The following IRS2 variants were observed in gnomAD, a reference collection of about 807,000 sequenced individuals.
IRS2 encodes insulin receptor substrate 2.
In IRS2, 28 loss-of-function variants were observed where a neutral mutation model predicts 70.9. The ratio of observed to expected loss-of-function variants is 0.39; its 90% CI spans 0.29 to 0.54. IRS2 has a LOEUF of 0.54. Ranked by LOEUF, IRS2 falls within the 20% of genes least tolerant of loss-of-function variation. IRS2 has a pLI of 0.59. For synonymous variants in IRS2, 1,217 were observed against 981.9 expected, an observed-to-expected ratio of 1.24 and a Z score of -4.48; for missense variants, 2,081 against 2,024.1, an observed-to-expected ratio of 1.03 and a Z score of -0.54.
intron 1 of IRS2, among the ~76,000 whole-genome samples, chr13:109,776,074 G>A (rs1433750124): frequency 2.0e-5 from 3 of 150,354 alleles, no homozygotes; most frequent in East Asian, 2.0e-4. Context: ...GCTTGAACCC[G>A]GGAGGTGGAC....
At position 109,772,353 on chromosome 13, in the gene IRS2, C is replaced by G. The variant is rs557018712; in HGVS notation, c.4012+9689G>C. On this transcript the variant is annotated intron_variant, in intron 1 of 1. Transcript: ENST00000375856. ...AGGCTTCTGGCCGATTCATGAAGAC[C>G]CCCAGACCACACGTCTGCATCAGTT... Among the ~76,000 whole-genome samples the G allele has an allele frequency of 3.7e-3, 558 of 152,360 alleles. 4 individuals carry two copies. Among genetic ancestry groups the G allele is most frequent in the Middle Eastern group, 6.8e-3 (2 of 294 alleles).
At position 109,782,306 on chromosome 13, in the gene IRS2, C is replaced by A. The variant is rs1240072729; in HGVS notation, c.3748G>T (p.Gly1250Cys). Residue 1250 changes from glycine to cysteine, a missense_variant, in exon 1 of 2, where the codon GGT (glycine) becomes TGT (cysteine). By Grantham distance (159) the Gly-to-Cys change is radical (BLOSUM62 -3). This residue lies in a region of IRS2 where 1,615 missense variants were observed against 1,459.5 expected (regional missense o/e 1.11). Coordinates refer to ENST00000375856, the MANE Select transcript of IRS2 (RefSeq NM_003749.3). ...RRETSAGFQN[G>C]LNYIAIDVRE... is the part of the protein sequence containing the mutation. ...ACGTCGATGGCGATGTAGTTGAGACCATTCTGGAAGCCGGCAGAGGTCTCT... is the reference window on the plus strand; with the variant it reads ...ACGTCGATGGCGATGTAGTTGAGACAATTCTGGAAGCCGGCAGAGGTCTCT... 8 of 1,611,594 alleles carry A rather than the reference C, an allele frequency of 5.0e-6. No individual in the cohort carries two copies. In the African/African-American group the frequency reaches 8.0e-5, roughly 16 times the overall value.
At position 109,782,729 on chromosome 13, in the gene IRS2, T is replaced by G; in HGVS notation, c.3325A>C (p.Ser1109Arg). The G allele has an allele frequency of 6.3e-7, 1 of 1,596,822 alleles. No homozygotes were observed. The highest frequency in any genetic ancestry group is 8.5e-7 in the Non-Finnish European group (1 of 1,172,612). Reference sequence around the variant, plus strand: ...ACTCCCGACACCTGCTCCATGAGGCTCAGCCTCTTCACGCCCGACGTCGGG... The same window carrying G: ...ACTCCCGACACCTGCTCCATGAGGCGCAGCCTCTTCACGCCCGACGTCGGG... ...ASPTSGVKRLSLMEQVSGVEA... is the reference protein window; with the variant it reads ...ASPTSGVKRLRLMEQVSGVEA... Residue 1109 changes from serine to arginine, a missense_variant, in exon 1 of 2, where the codon AGC becomes CGC. Physicochemically the swap from Ser to Arg is moderately radical, Grantham distance 110 (BLOSUM62 -1). Coordinates refer to ENST00000375856, the MANE Select transcript of IRS2 (RefSeq NM_003749.3).
chr13:109,781,036 C>T (rs1234697009), intron 1 of IRS2, among the ~76,000 whole-genome samples: 1 of 152,152 alleles, frequency 6.6e-6, no homozygotes. Flanking sequence ...TTTGTCTTTC[C>T]CTTGTTTTCT....
chr13:109,771,533 A>G (rs897093696), intron 1 of IRS2, among the ~76,000 whole-genome samples: 4 of 152,246 alleles, frequency 2.6e-5, no homozygotes, highest in African/African-American at 9.6e-5. Context: ...AGTTATTTGT[A>G]CAAGTCTCAG....
At position 109,782,818 on chromosome 13, in the gene IRS2, A is replaced by G; in HGVS notation, c.3236T>C (p.Val1079Ala). Residue 1079 changes from valine to alanine, a missense_variant, in exon 1 of 2, where the codon GTG becomes GCG. Around this residue, in one of 4 missense-constraint regions of IRS2, gnomAD observed 1,615 missense variants for 1,459.5 expected, o/e 1.11. Transcript: ENST00000375856. The part of the protein sequence containing the change: ...NGDYTEMAFG[V>A]AATPPQPIAA... ...GATAGGTTGCGGCGGGGTGGCGGCC[A>G]CACCAAAAGCCATCTCGGTGTAGTC... 4 of 1,589,918 alleles carry G rather than the reference A, an allele frequency of 2.5e-6. No individual in the cohort carries two copies. Among genetic ancestry groups the G allele is most frequent in the Non-Finnish European group, 3.4e-6 (4 of 1,169,746 alleles).
At chr13:109,781,526 T>C (rs1333904133) in intron 1 of IRS2, among the ~76,000 whole-genome samples, 12 of 152,208 alleles carry the variant, frequency 7.9e-5, no homozygotes, top group Admixed American at 7.8e-4. Flanking sequence ...GCCATCAAAA[T>C]GGATGCTCAT....
intron 1 of IRS2, among the ~76,000 whole-genome samples, chr13:109,760,479 T>C (rs1877201903): frequency 6.6e-6 from 1 of 152,242 alleles, no homozygotes; most frequent in East Asian, 1.9e-4. Context: ...CGTAGAGTTA[T>C]TTGAGCAAAT....
chr13:109,768,574 C>A lies in IRS2; in HGVS notation c.4013-12266G>T, dbSNP rs570152803. On this transcript the variant is annotated intron_variant, in intron 1 of 1. Transcript: ENST00000375856. ...TCTATAATTTTCATTTCCAAATTAG[C>A]TGAAGAGTGAAATTGATTTGTTTGA... is the stretch of plus-strand genomic sequence containing the variant. 6.6e-5 allele frequency among the ~76,000 whole-genome samples: 10 copies of A among 152,264 alleles called. 1 individual carries two copies. Among genetic ancestry groups the A allele is most frequent in the Admixed American group, 2.0e-4 (3 of 15,298 alleles).
At position 109,772,867 on chromosome 13, in the gene IRS2, T is replaced by A. The variant is rs1035923005; in HGVS notation, c.4012+9175A>T. Among the ~76,000 whole-genome samples the A allele has an allele frequency of 4.6e-5, 7 of 151,872 alleles. No homozygotes were observed. In the South Asian group the frequency reaches 8.3e-4, roughly 18 times the overall value. On this transcript the variant is annotated intron_variant, in intron 1 of 1. Transcript: ENST00000375856. ...CCCGCCACCGCACCCGGCTAATTTTTTGTATTTTTAGTAGAGACGGGGTTT... is the reference window on the plus strand; with the variant it reads ...CCCGCCACCGCACCCGGCTAATTTTATGTATTTTTAGTAGAGACGGGGTTT...
chr13:109,755,225 T>TTC lies in IRS2; in HGVS notation c.*1077_*1078dup, dbSNP rs1465737618. 2.2e-5 allele frequency: 3 copies of TTC among 135,654 alleles called. No individual in the cohort carries two copies. The highest frequency in any genetic ancestry group is 4.5e-5 in the African/African-American group (1 of 22,132). 8.4% of individuals were successfully genotyped at this position (135,654 alleles called of 1,614,324 possible). ...AGTTTCTTTCTTTCCTTTTTTTTTT[T>TTC]TCTTTTTGTTTTTTTTGTTCAGGGC... On this transcript the variant is annotated 3_prime_UTR_variant, in exon 2 of 2. Transcript: ENST00000375856.
rs191567006 is a variant in IRS2, at chr13:109,784,431, C to G, written c.1623G>C (p.Gly541=). 388 of 1,596,800 alleles carry G rather than the reference C, an allele frequency of 2.4e-4. 1 individual carries two copies. In the African/African-American group the frequency reaches 4.7e-3, roughly 20 times the overall value. ...RDGGGGGEFY[G]YMTMDRPLSH... The stretch of plus-strand genomic sequence containing the variant: ...TCAGGGGCCTGTCCATGGTCATGTA[C>G]CCGTAGAACTCACCGCCGCCGCCGC... The change falls in exon 1 of 2, where the codon GGG becomes GGC. Residue 541 remains glycine, a synonymous_variant. Transcript: ENST00000375856. This position sits in a 1 kb window ranked among gnomAD's most constrained non-coding sequence, Gnocchi z 5.2.
At position 109,782,390 on chromosome 13, in the gene IRS2, G is replaced by C; in HGVS notation, c.3664C>G (p.Pro1222Ala). 6.2e-7 allele frequency: 1 copy of C among 1,609,890 alleles called. No homozygotes were observed. The highest frequency in any genetic ancestry group is 8.5e-7 in the Non-Finnish European group (1 of 1,178,632). Residue 1222 changes from proline (P) to alanine (A), a missense_variant, in exon 1 of 2, where the codon CCG (proline) becomes GCG (alanine). Around this residue, in one of 4 missense-constraint regions of IRS2, gnomAD observed 1,615 missense variants for 1,459.5 expected, o/e 1.11. Coordinates refer to ENST00000375856, the MANE Select transcript of IRS2 (RefSeq NM_003749.3). ...CCGACCAAGCCCCCGGGCTGACCCG[G>C]GGTCCACGGCCGGCCCTGCGGTGCC... ...PLAPQGRPWT[P>A]GQPGGLVGCP...
In IRS2 at chr13:109,783,357, G is replaced by T. The variant is rs1196383959; in HGVS notation, c.2697C>A (p.Pro899=). 2.6e-6 allele frequency: 4 copies of T among 1,548,902 alleles called. No homozygotes were observed. The South Asian group carries it at 4.7e-5, about 18-fold the overall frequency. Residue 899 remains proline (P), a synonymous_variant, in exon 1 of 2, where the codon CCC becomes CCA. Coordinates refer to ENST00000375856, the MANE Select transcript of IRS2 (RefSeq NM_003749.3). ...GGTACTCGTGCATGCTGGGCAGGCT[G>T]GGCAGCCCCTCCAGGGACAGGCGCG... ...RPTRLSLEGL[P]SLPSMHEYPL...
rs1407257022 is a variant in IRS2, at chr13:109,783,465, G to A, written c.2589C>T (p.His863=). The change falls in exon 1 of 2, where the codon CAC becomes CAT. Residue 863 remains histidine (H), a synonymous_variant. Coordinates refer to ENST00000375856, the MANE Select transcript of IRS2 (RefSeq NM_003749.3). ...AFGAGPTQPP[H]PVVPSPVRPS... ...GCCGCACGGGCGAAGGCACTACAGG[G>A]TGAGGGGGCTGCGTGGGGCCGGCCC... is the stretch of plus-strand genomic sequence containing the variant. 2 of 1,540,184 alleles carry A rather than the reference G, an allele frequency of 1.3e-6. No homozygotes were observed. The highest frequency in any genetic ancestry group is 3.9e-5 in the Admixed American group (2 of 50,966).
At chr13:109,758,384 C>A (rs1877152782) in intron 1 of IRS2, among the ~76,000 whole-genome samples, 1 of 152,208 alleles carries the variant, frequency 6.6e-6, no homozygotes, top group South Asian at 2.1e-4. Flanking sequence ...GCTGAATTAT[C>A]TCATGTTAAC....
At position 109,785,616 on chromosome 13, in the gene IRS2, GC is replaced by G; in HGVS notation, c.437del (p.Gly146AlafsTer55). 1 of 1,410,176 alleles carries G rather than the reference GC, an allele frequency of 7.1e-7. No homozygotes were observed. Among genetic ancestry groups the G allele is most frequent in the Non-Finnish European group, 9.3e-7 (1 of 1,076,804 alleles). 87.4% of individuals were successfully genotyped at this position (1,410,176 alleles called of 1,614,324 possible). On this transcript the variant is annotated frameshift_variant, in exon 1 of 2. Coordinates refer to ENST00000375856, the MANE Select transcript of IRS2 (RefSeq NM_003749.3). LOFTEE classifies it high-confidence loss of function. This position sits in a 1 kb window ranked among gnomAD's most constrained non-coding sequence, Gnocchi z 9.3. Reference sequence around the variant, plus strand: ...GGGGCGCGTCTCCGGCGGCCGCGCGGCCCTCGCTGACCAGGTCGGTGAGCGC... The same window carrying G: ...GGGGCGCGTCTCCGGCGGCCGCGCGGCCTCGCTGACCAGGTCGGTGAGCGC... The part of the protein sequence containing the change: ...YRALTDLVSE[G>X]RAAAGDAPPA...
At chr13:109,770,590 G>A (rs1877432013) in intron 1 of IRS2, among the ~76,000 whole-genome samples, 1 of 152,142 alleles carries the variant, frequency 6.6e-6, no homozygotes, top group Admixed American at 6.5e-5. Flanking sequence ...ATCCACTGTC[G>A]CAGCAGAGAC....
chr13:109,776,361 AC>A (rs1190892907), intron 1 of IRS2, among the ~76,000 whole-genome samples: 1 of 152,232 alleles, frequency 6.6e-6, no homozygotes, highest in Non-Finnish European at 1.5e-5. Context: ...CTTCACCTTT[AC>A]CCATTCAAGT....
Sources: gnomAD v4.1 joint callset for allele counts (sites outside exome capture counted in the v4.1 genomes callset) on GRCh38, gnomAD v4.1.1 for gene constraint, gnomAD v4.1.1 regional missense constraint, Gnocchi (gnomAD v3.1) non-coding constraint, MANE v1.5 for transcripts, NCBI Gene and HGNC (gene_info 2026-07-23, HGNC 2026-07-21) for gene names.